BACH2: variants seen among roughly 807,000 people sequenced by gnomAD.
The protein encoded by BACH2 is BACH transcriptional regulator 2, also known as transcription regulator protein BACH2.
In BACH2, 5 loss-of-function variants were observed where a neutral mutation model predicts 61.8. The observed-to-expected ratio is 0.08, with a 90% CI of 0.04 to 0.17. The LOEUF is 0.17. Among genes scored for constraint, BACH2 ranks in the 10% least tolerant of loss-of-function variants. The pLI, the probability that BACH2 is intolerant of heterozygous loss-of-function variation, is 1.00. For missense variants in BACH2, 824 were observed against 1,091.1 expected (o/e 0.76, Z 3.45); for synonymous variants, 446 against 440.1 (o/e 1.01, Z -0.17).
In BACH2 at chr6:89,927,879, A is replaced by G. The variant is rs1772436407; in HGVS notation, c.*4529T>C. The G allele has an allele frequency of 6.5e-6, 1 of 152,702 alleles. No individual in the cohort carries two copies. Among genetic ancestry groups the G allele is most frequent in the African/African-American group, 2.4e-5 (1 of 41,464 alleles). 9.5% of individuals were successfully genotyped at this position (152,702 alleles called of 1,614,324 possible). ...TGCTATTTGCACACACTATTTGTGT[A>G]CAGATATGTTCTGTTCTACAGCATC... On this transcript the variant is annotated 3_prime_UTR_variant, in exon 9 of 9. Transcript: ENST00000257749.
intron 6 of BACH2, among the ~76,000 whole-genome samples, chr6:89,970,424 A>G (rs528785591): frequency 1.6e-4 from 24 of 152,240 alleles, no homozygotes; most frequent in Non-Finnish European, 2.4e-4. Context: ...GGGGTTTATT[A>G]CTGTACCTGA....
chr6:90,234,162 C>T (rs187780372), intron 3 of BACH2, among the ~76,000 whole-genome samples: 121 of 152,332 alleles, frequency 7.9e-4, no homozygotes, highest in African/African-American at 2.7e-3. Flanking sequence ...CCTGGAAATA[C>T]AGGCAGCAAT....
chr6:90,183,500 A>G (rs1768238202), intron 4 of BACH2, among the ~76,000 whole-genome samples: 1 of 152,254 alleles, frequency 6.6e-6, no homozygotes, highest in African/African-American at 2.4e-5. Context: ...AAGTTTTAAC[A>G]AAAACTGATT....
At chr6:90,088,683 C>T in intron 5 of BACH2, among the ~76,000 whole-genome samples, 1 of 152,078 alleles carries the variant, frequency 6.6e-6, no homozygotes, top group Non-Finnish European at 1.5e-5. Context: ...AATTCCTAGC[C>T]TGTACCAAAT....
chr6:89,997,714 A>T (rs1315282920), intron 6 of BACH2, among the ~76,000 whole-genome samples: 2 of 152,222 alleles, frequency 1.3e-5, no homozygotes, highest in African/African-American at 2.4e-5. Flanking sequence ...AACAAGAAAA[A>T]CAGATAAGCA....
intron 3 of BACH2, among the ~76,000 whole-genome samples, chr6:90,229,112 C>G (rs1013833540): frequency 6.6e-6 from 1 of 152,202 alleles, no homozygotes; most frequent in African/African-American, 2.4e-5. Context: ...TGCTACACAT[C>G]AGAATCACCT....
At chr6:89,937,556 G>A (rs1020983049) in intron 8 of BACH2, among the ~76,000 whole-genome samples, 1 of 152,010 alleles carries the variant, frequency 6.6e-6, no homozygotes, top group Non-Finnish European at 1.5e-5. Flanking sequence ...TTGAGACAGG[G>A]TTTCACTCTA....
In BACH2 at chr6:90,185,581, T is replaced by G. The variant is rs746660279; in HGVS notation, c.-162+20988A>C. ...TTTTTCTTTCTACTTTACTTTCCAA[T>G]TTTTCTAAAATTAACATATATTATT... On this transcript the variant is annotated intron_variant, in intron 4 of 8. Coordinates refer to ENST00000257749, the MANE Select transcript of BACH2 (RefSeq NM_021813.4). 3.0e-4 allele frequency among the ~76,000 whole-genome samples: 46 copies of G among 152,350 alleles called. No homozygotes were observed. The Middle Eastern group carries it at 0.01, about 34-fold the overall frequency.
chr6:90,115,634 C>T (rs1404669221), intron 4 of BACH2, among the ~76,000 whole-genome samples: 1 of 151,988 alleles, frequency 6.6e-6, no homozygotes, highest in East Asian at 1.9e-4. Context: ...AAAAAGACAC[C>T]AAGAGCAATT....
rs574406694 is a variant in BACH2 at position 90,125,490 on chromosome 6, A to T, written c.-161-36381T>A. Among the ~76,000 whole-genome samples, 3 of 152,344 alleles carry T rather than the reference A, an allele frequency of 2.0e-5. 1 individual carries two copies. The highest frequency in any genetic ancestry group is 2.0e-4 in the Admixed American group (3 of 15,312). ...GGGTGAGCTAACCACCCTCCCAGGT[A>T]GGCAAGAGAAACAGCACGTTTGCCT... is the stretch of plus-strand genomic sequence containing the variant. On this transcript the variant is annotated intron_variant, in intron 4 of 8. Coordinates refer to ENST00000257749, the MANE Select transcript of BACH2 (RefSeq NM_021813.4).
At chr6:90,168,053 AC>A (rs1486730488) in intron 4 of BACH2, among the ~76,000 whole-genome samples, 1 of 152,208 alleles carries the variant, frequency 6.6e-6, no homozygotes, top group Non-Finnish European at 1.5e-5. Flanking sequence ...GGCTGACCAC[AC>A]CGCTGATTAT....
chr6:90,065,271 T>TTTTTTTTTTTTTTTTTTC (rs1780898357), intron 5 of BACH2, among the ~76,000 whole-genome samples: 1 of 7,834 alleles, frequency 1.3e-4, no homozygotes, highest in African/African-American at 5.3e-4. Flanking sequence ...CCGCCCCCAC[T>TTTTTTTTTTTTTTTTTTC]TTTTTTTTTT....
At chr6:90,268,797 TTAA>T (rs1771427429) in intron 2 of BACH2, among the ~76,000 whole-genome samples, 1 of 152,112 alleles carries the variant, frequency 6.6e-6, no homozygotes, top group African/African-American at 2.4e-5. Context: ...TTTAGGAACT[TTAA>T]TAATGAAAGA....
At position 89,951,653 on chromosome 6, in the gene BACH2, G is replaced by T; in HGVS notation, c.453C>A (p.Arg151=). The change falls in exon 7 of 9, where the codon CGC becomes CGA. Residue 151 remains arginine, a synonymous_variant. Transcript: ENST00000257749. The surrounding 1 kb of genome is among the most constrained non-coding windows in gnomAD (Gnocchi z 6.4). ...FVCRKDAACQ[R]PHEDCENSAG... is the part of the protein sequence containing the mutation. ...CAGAGTTCTCGCAGTCCTCGTGTGG[G>T]CGCTGGCACGCAGCATCCTTCCGGC... 1 of 1,614,218 alleles carries T rather than the reference G, an allele frequency of 6.2e-7. No individual in the cohort carries two copies. Among genetic ancestry groups the T allele is most frequent in the Non-Finnish European group, 8.5e-7 (1 of 1,180,048 alleles).
At chr6:90,268,101 T>C (rs1289478961) in intron 2 of BACH2, among the ~76,000 whole-genome samples, 1 of 151,072 alleles carries the variant, frequency 6.6e-6, no homozygotes, top group Non-Finnish European at 1.5e-5. Flanking sequence ...CTCTGCCTCC[T>C]GGGTTCAGGC....
intron 6 of BACH2, among the ~76,000 whole-genome samples, chr6:90,002,451 T>A (rs1395417226): frequency 6.6e-6 from 1 of 152,130 alleles, no homozygotes; most frequent in African/African-American, 2.4e-5. Context: ...TACTTAGATG[T>A]CAACAGGCAT....
At chr6:90,291,275 T>C (rs986590611) in intron 1 of BACH2, among the ~76,000 whole-genome samples, 1 of 151,950 alleles carries the variant, frequency 6.6e-6, no homozygotes, top group Non-Finnish European at 1.5e-5. Flanking sequence ...ATTTATTATT[T>C]TGGAAAAAAA....
intron 4 of BACH2, among the ~76,000 whole-genome samples, chr6:90,138,053 AACACACACACACACACAC>A (rs10602894): frequency 1.4e-5 from 2 of 143,566 alleles, no homozygotes; most frequent in Admixed American, 6.9e-5. Flanking sequence ...CTAATCATAA[AACACACACACACACACAC>A]ACACACACAC....
At chr6:90,091,336 A>G (rs1435800885) in intron 4 of BACH2, among the ~76,000 whole-genome samples, 4 of 152,192 alleles carry the variant, frequency 2.6e-5, no homozygotes, top group African/African-American at 9.6e-5. Context: ...AGCACAATAG[A>G]GAAGTGTGAG....
Sources: gnomAD v4.1 joint callset for allele counts (sites outside exome capture counted in the v4.1 genomes callset) on GRCh38, gnomAD v4.1.1 for gene constraint, Gnocchi (gnomAD v3.1) non-coding constraint, MANE v1.5 for transcripts, NCBI Gene and HGNC (gene_info 2026-07-23, HGNC 2026-07-21) for gene names.